CAMK1D: variants seen among roughly 807,000 people sequenced by gnomAD.
CAMK1D encodes calcium/calmodulin dependent protein kinase ID.
Under a neutral mutation model 47.7 loss-of-function variants are expected in CAMK1D, and 9 were observed. The ratio of observed to expected loss-of-function variants is 0.19; its 90% CI spans 0.11 to 0.33. CAMK1D has a LOEUF of 0.33. Among genes scored for constraint, CAMK1D ranks in the 10% least tolerant of loss-of-function variants. The pLI, the probability that CAMK1D is intolerant of heterozygous loss-of-function variation, is 1.00. For missense variants in CAMK1D, 291 were observed against 488.7 expected, an observed-to-expected ratio of 0.60 and a Z score of 3.81; for synonymous variants, 184 against 184.9, an observed-to-expected ratio of 0.99 and a Z score of 0.04.
intron 2 of CAMK1D, among the ~76,000 whole-genome samples, chr10:12,563,690 A>AGAGAGG (rs1398726230): frequency 4.2e-5 from 3 of 72,234 alleles, no homozygotes; most frequent in African/African-American, 1.1e-4. Flanking sequence ...AGAGAGAGAG[A>AGAGAGG]GAGAGAGAGG....
intron 1 of CAMK1D, among the ~76,000 whole-genome samples, chr10:12,445,162 G>A (rs114627456): frequency 1.2e-4 from 19 of 152,206 alleles, no homozygotes; most frequent in African/African-American, 3.1e-4. Context: ...AATGCATGCC[G>A]GCCAGTCGTG....
At chr10:12,627,805 G>A (rs990797303) in intron 2 of CAMK1D, among the ~76,000 whole-genome samples, 3 of 152,192 alleles carry the variant, frequency 2.0e-5, no homozygotes, top group Non-Finnish European at 4.4e-5. Context: ...ACAAGGCCAG[G>A]TGCAGTGGCT....
chr10:12,813,256 C>G (rs780690997), intron 6 of CAMK1D, among the ~76,000 whole-genome samples: 4 of 152,196 alleles, frequency 2.6e-5, no homozygotes, highest in African/African-American at 4.8e-5. Context: ...ATGGGCAAAA[C>G]CACAACCCTC....
intron 1 of CAMK1D, among the ~76,000 whole-genome samples, chr10:12,428,205 A>G (rs1840317320): frequency 6.6e-6 from 1 of 151,768 alleles, no homozygotes; most frequent in African/African-American, 2.4e-5. Context: ...CAGGTGTGTG[A>G]TGTTCCCCTC....
At chr10:12,660,480 T>G (rs185140773) in intron 2 of CAMK1D, among the ~76,000 whole-genome samples, 159 of 152,342 alleles carry the variant, frequency 1.0e-3, no homozygotes, top group Non-Finnish European at 1.9e-3. Context: ...TTATTTTTTA[T>G]GCATGAATTA....
intron 3 of CAMK1D, among the ~76,000 whole-genome samples, chr10:12,742,094 C>T (rs1440336808): frequency 2.6e-5 from 4 of 152,180 alleles, no homozygotes; most frequent in Admixed American, 2.0e-4. Flanking sequence ...TCTCTGCCTA[C>T]GCCCACTGCT....
intron 1 of CAMK1D, among the ~76,000 whole-genome samples, chr10:12,450,188 G>A (rs1833043833): frequency 6.6e-6 from 1 of 151,254 alleles, no homozygotes; most frequent in African/African-American, 2.4e-5. Flanking sequence ...AAGGAAGAAG[G>A]AAGTTTCCCT....
chr10:12,443,813 A>G (rs1459411581), intron 1 of CAMK1D, among the ~76,000 whole-genome samples: 1 of 152,038 alleles, frequency 6.6e-6, no homozygotes, highest in African/African-American at 2.4e-5. Context: ...TATTTTCAGT[A>G]GAGACGGAGT....
At chr10:12,431,078 GTTTTTA>G in intron 1 of CAMK1D, among the ~76,000 whole-genome samples, 1 of 152,088 alleles carries the variant, frequency 6.6e-6, no homozygotes, top group East Asian at 1.9e-4. Context: ...AAATGCTATT[GTTTTTA>G]TTTTTTATAA....
chr10:12,723,384 C>A (rs1215498679), intron 3 of CAMK1D, among the ~76,000 whole-genome samples: 4 of 152,160 alleles, frequency 2.6e-5, no homozygotes, highest in Non-Finnish European at 5.9e-5. Flanking sequence ...TGGTAAATGA[C>A]AGAACCCAAA....
chr10:12,564,635 A>G (rs1483472807), intron 2 of CAMK1D, among the ~76,000 whole-genome samples: 1 of 152,168 alleles, frequency 6.6e-6, no homozygotes, highest in Admixed American at 6.5e-5. Context: ...TAATAGTTGG[A>G]TAGAATTTGG....
rs527679501 is a variant in CAMK1D, at chr10:12,740,215, C to T, written c.300-20733C>T. Among the ~76,000 whole-genome samples the T allele has an allele frequency of 4.6e-5, 7 of 152,306 alleles. No individual in the cohort carries two copies. In the South Asian group the frequency reaches 1.5e-3, roughly 32 times the overall value. On this transcript the variant is annotated intron_variant, in intron 3 of 10. Coordinates refer to ENST00000619168, the MANE Select transcript of CAMK1D (RefSeq NM_153498.4). ...GCTGCGTGGAAAGGCACCCAGAGGC[C>T]ACCCCATGAAGGAAATGCACAGAGC...
chr10:12,507,877 T>G (rs79047364), intron 1 of CAMK1D, among the ~76,000 whole-genome samples: 1,966 of 152,254 alleles, frequency 0.013, 38 homozygotes, highest in East Asian at 0.072. Context: ...GCTTCTCAGG[T>G]TTGTATTCTA....
chr10:12,623,143 CCCTTCCTTCCTCCCTCCTTTCTTT>C lies in CAMK1D; in HGVS notation c.225-43585_225-43562del. Among the ~76,000 whole-genome samples the C allele has an allele frequency of 8.0e-4, 14 of 17,508 alleles. 3 individuals carry two copies. The highest frequency in any genetic ancestry group is 2.3e-3 in the African/African-American group (12 of 5,186). 11.5% of individuals were successfully genotyped at this position (17,508 alleles called of 152,430 possible). A position where few individuals can be genotyped will look rare whatever the true frequency, so the allele number is the denominator to read the frequency against. Reference sequence around the variant, plus strand: ...TTCTTTCCTTCCTCCCTCCCTTCCTCCCTTCCTTCCTCCCTCCTTTCTTTCCTTCCTCCCTCCCTCCGTCCCTCC... The same window carrying C: ...TTCTTTCCTTCCTCCCTCCCTTCCTCCCTTCCTCCCTCCCTCCGTCCCTCC... On this transcript the variant is annotated intron_variant, in intron 2 of 10. Coordinates refer to ENST00000619168, the MANE Select transcript of CAMK1D (RefSeq NM_153498.4).
At chr10:12,378,722 T>C (rs1335985144) in intron 1 of CAMK1D, among the ~76,000 whole-genome samples, 1 of 152,104 alleles carries the variant, frequency 6.6e-6, no homozygotes, top group Non-Finnish European at 1.5e-5. Flanking sequence ...GAAAGTTTAT[T>C]GAGCACTAGA....
At chr10:12,579,911 A>G (rs1326071990) in intron 2 of CAMK1D, among the ~76,000 whole-genome samples, 2 of 152,094 alleles carry the variant, frequency 1.3e-5, no homozygotes, top group East Asian at 3.8e-4. Context: ...TTCAAAAGCC[A>G]GTTTTGAACC....
At chr10:12,523,365 T>C (rs1478433777) in intron 1 of CAMK1D, among the ~76,000 whole-genome samples, 2 of 152,094 alleles carry the variant, frequency 1.3e-5, no homozygotes, top group African/African-American at 4.8e-5. Context: ...GAGGCTGCAA[T>C]CTCGGCACTT....
At chr10:12,716,347 C>T (rs1834135719) in intron 3 of CAMK1D, among the ~76,000 whole-genome samples, 1 of 152,120 alleles carries the variant, frequency 6.6e-6, no homozygotes, top group African/African-American at 2.4e-5. Flanking sequence ...TGTCATATGT[C>T]CCCTGCGGGA....
intron 1 of CAMK1D, among the ~76,000 whole-genome samples, chr10:12,443,722 C>G (rs542240094): frequency 6.6e-6 from 1 of 152,112 alleles, no homozygotes; most frequent in African/African-American, 2.4e-5. Context: ...CTCCGCTCCC[C>G]GGGTTCAAGC....
Sources: gnomAD v4.1 joint callset for allele counts (sites outside exome capture counted in the v4.1 genomes callset) on GRCh38, gnomAD v4.1.1 for gene constraint, MANE v1.5 for transcripts, NCBI Gene and HGNC (gene_info 2026-07-23, HGNC 2026-07-21) for gene names.